Variants in KLHL1 observed in about 807,000 individuals in gnomAD.
KLHL1 encodes kelch-like protein 1.
In KLHL1, 47 loss-of-function variants were observed where a neutral mutation model predicts 77.7. That is an observed-to-expected ratio of 0.60 (90% CI 0.48 to 0.77). The LOEUF is 0.77. Ranked by LOEUF, KLHL1 falls within the 30% of genes least tolerant of loss-of-function variation. The pLI is 0.00. For synonymous variants in KLHL1, 360 were observed against 325.2 expected (o/e 1.11, Z -1.15); for missense variants, 925 against 910.8 (o/e 1.02, Z -0.20).
At chr13:70,022,667 C>G (rs993909746) in intron 1 of KLHL1, among the ~76,000 whole-genome samples, 21 of 151,842 alleles carry the variant, frequency 1.4e-4, no homozygotes, top group African/African-American at 4.8e-4. Flanking sequence ...TCCTTGATTT[C>G]TTATGTATGG....
chr13:70,002,659 CAT>C (rs1885323064), intron 1 of KLHL1, among the ~76,000 whole-genome samples: 2 of 151,708 alleles, frequency 1.3e-5, no homozygotes, highest in Non-Finnish European at 3.0e-5. Context: ...TTAGACACAT[CAT>C]GTCAATGACA....
At chr13:69,764,020 C>A (rs1875148217) in intron 7 of KLHL1, among the ~76,000 whole-genome samples, 1 of 152,142 alleles carries the variant, frequency 6.6e-6, no homozygotes, top group African/African-American at 2.4e-5. Context: ...AATAAGTCCA[C>A]TTTCTATCAT....
At chr13:70,074,851 C>A (rs1415313723) in intron 1 of KLHL1, among the ~76,000 whole-genome samples, 2 of 151,888 alleles carry the variant, frequency 1.3e-5, no homozygotes, top group East Asian at 3.9e-4. Context: ...CTATTCACAG[C>A]ATGATTGTGT....
intron 5 of KLHL1, among the ~76,000 whole-genome samples, chr13:69,841,948 C>A (rs1174284818): frequency 1.3e-5 from 2 of 151,850 alleles, no homozygotes; most frequent in Non-Finnish European, 2.9e-5. Context: ...AAAGGACACC[C>A]TCTTCAATAA....
intron 1 of KLHL1, among the ~76,000 whole-genome samples, chr13:70,017,775 C>A (rs1379102450): frequency 6.6e-6 from 1 of 152,084 alleles, no homozygotes; most frequent in African/African-American, 2.4e-5. Context: ...AAAAAGAAAA[C>A]AATAACACAA....
chr13:69,707,871 C>T, intron 9 of KLHL1, 75 bp from the exon 10 acceptor site: 1 of 1,251,278 alleles, frequency 8.0e-7, no homozygotes, highest in Non-Finnish European at 1.1e-6. Context: ...TTACTTTTTA[C>T]AAAGCCTGTC....
chr13:69,885,546 T>C lies in KLHL1; in HGVS notation c.1015-3051A>G, dbSNP rs140704618. Among the ~76,000 whole-genome samples, 176 of 152,310 alleles carry C rather than the reference T, an allele frequency of 1.2e-3. 4 individuals carry two copies. The highest frequency in any genetic ancestry group is 9.9e-3 in the East Asian group (51 of 5,176). On this transcript the variant is annotated intron_variant, in intron 4 of 10. Coordinates refer to ENST00000377844, the MANE Select transcript of KLHL1 (RefSeq NM_020866.3). Reference sequence around the variant, plus strand: ...TACCTACAATGTAGGTTCTGGAAATTAGTTGTTTTAACATCATTATGTGTT... The same window carrying C: ...TACCTACAATGTAGGTTCTGGAAATCAGTTGTTTTAACATCATTATGTGTT...
At chr13:69,902,407 T>G (rs1011153259) in intron 4 of KLHL1, among the ~76,000 whole-genome samples, 3 of 152,056 alleles carry the variant, frequency 2.0e-5, no homozygotes, top group Non-Finnish European at 1.5e-5. Context: ...AGGACATAGA[T>G]TTATCATGGT....
intron 1 of KLHL1, among the ~76,000 whole-genome samples, chr13:70,056,369 A>G (rs764315816): frequency 1.6e-4 from 25 of 152,200 alleles, no homozygotes; most frequent in Admixed American, 7.2e-4. Context: ...AGAAAGAGAC[A>G]GACCCCAATA....
At chr13:69,799,934 G>T (rs1478401365) in intron 6 of KLHL1, among the ~76,000 whole-genome samples, 1 of 152,162 alleles carries the variant, frequency 6.6e-6, no homozygotes, top group East Asian at 1.9e-4. Flanking sequence ...AAACCCTATT[G>T]TGAACTGTGC....
intron 1 of KLHL1, among the ~76,000 whole-genome samples, chr13:70,099,462 AG>A (rs1296877070): frequency 2.6e-5 from 4 of 152,006 alleles, no homozygotes; most frequent in Non-Finnish European, 1.5e-5. Context: ...CCTATCAAGA[AG>A]AAGGCAACAA....
intron 1 of KLHL1, among the ~76,000 whole-genome samples, chr13:70,012,236 T>C (rs1885552189): frequency 6.6e-6 from 1 of 152,192 alleles, no homozygotes; most frequent in Admixed American, 6.5e-5. Context: ...AAGTTTGCTC[T>C]CTGTCTTCCT....
chr13:69,786,443 A>G (rs992000905), intron 7 of KLHL1, among the ~76,000 whole-genome samples: 10 of 152,184 alleles, frequency 6.6e-5, no homozygotes, highest in South Asian at 2.1e-4. Flanking sequence ...AAGGCCTTTG[A>G]CAAAATTCAA....
At chr13:70,082,824 A>G (rs1284871004) in intron 1 of KLHL1, among the ~76,000 whole-genome samples, 1 of 152,120 alleles carries the variant, frequency 6.6e-6, no homozygotes, top group East Asian at 1.9e-4. Flanking sequence ...ATTCTTTGCC[A>G]CAGCATGGGT....
At chr13:69,893,025 T>A (rs779088721) in intron 4 of KLHL1, among the ~76,000 whole-genome samples, 5 of 152,194 alleles carry the variant, frequency 3.3e-5, no homozygotes, top group Non-Finnish European at 5.9e-5. Flanking sequence ...ATCACAAGAC[T>A]ATATATTCTT....
chr13:70,107,758 G>A lies in KLHL1; in HGVS notation c.-59C>T. On this transcript the variant is annotated 5_prime_UTR_variant, in exon 1 of 11. Transcript: ENST00000377844. ...CACGCAGGAGTAGGCTGGTCAGCAG[G>A]TGGGGGAGGACAGCGGGGCCCGGGG... 2 of 1,345,988 alleles carry A rather than the reference G, an allele frequency of 1.5e-6. No homozygotes were observed. The highest frequency in any genetic ancestry group is 1.5e-5 in the South Asian group (1 of 67,666). 83.4% of individuals were successfully genotyped at this position (1,345,988 alleles called of 1,614,324 possible). A position where few individuals can be genotyped will look rare whatever the true frequency, so the allele number is the denominator to read the frequency against.
intron 1 of KLHL1, among the ~76,000 whole-genome samples, chr13:70,033,438 C>T (rs1771975573): frequency 6.6e-6 from 1 of 151,838 alleles, no homozygotes; most frequent in Admixed American, 6.6e-5. Context: ...TACAGGTGCC[C>T]ACCACCACGC....
intron 6 of KLHL1, among the ~76,000 whole-genome samples, chr13:69,799,312 T>G (rs1877270467): frequency 6.6e-6 from 1 of 152,128 alleles, no homozygotes; most frequent in African/African-American, 2.4e-5. Flanking sequence ...CCAGTTACCC[T>G]CCTCAGAGGA....
chr13:69,715,596 C>T (rs1876087307), intron 9 of KLHL1, among the ~76,000 whole-genome samples: 1 of 151,754 alleles, frequency 6.6e-6, no homozygotes, highest in Non-Finnish European at 1.5e-5. Flanking sequence ...TCTCGGCTCA[C>T]TCTAAGGCAG....
Sources: gnomAD v4.1 joint callset for allele counts (sites outside exome capture counted in the v4.1 genomes callset) on GRCh38, gnomAD v4.1.1 for gene constraint, MANE v1.5 for transcripts, NCBI Gene and HGNC (gene_info 2026-07-23, HGNC 2026-07-21) for gene names.